Variants in TMEM164 observed in about 807,000 individuals in gnomAD.
TMEM164 encodes transmembrane protein 164.
Under a neutral mutation model 18.8 loss-of-function variants are expected in TMEM164, and 4 were observed. The ratio of observed to expected loss-of-function variants is 0.21; its 90% CI spans 0.10 to 0.49. The LOEUF (loss-of-function observed/expected upper bound fraction) is 0.49, where lower values mean the gene tolerates loss of function less well. Among genes scored for constraint, TMEM164 ranks in the 20% least tolerant of loss-of-function variants. The pLI, the probability that TMEM164 is intolerant of heterozygous loss-of-function variation, is 0.98. For missense variants in TMEM164, 108 were observed against 239.9 expected, an observed-to-expected ratio of 0.45 and a Z score of 3.63; for synonymous variants, 86 against 101.7, an observed-to-expected ratio of 0.85 and a Z score of 0.93.
chrX:110,136,346 G>A (rs2066691049), intron 4 of TMEM164, among the ~76,000 whole-genome samples: 1 of 111,580 alleles, frequency 9.0e-6, no homozygotes, highest in Non-Finnish European at 1.9e-5. Context: ...TGTGGCCCCA[G>A]TAGGCCACAG....
chrX:110,076,081 C>T (rs2065668205), intron 3 of TMEM164, among the ~76,000 whole-genome samples: 1 of 104,725 alleles, frequency 9.5e-6, no homozygotes, highest in Admixed American at 1.0e-4. Flanking sequence ...TAGAATTTAG[C>T]TCTGAATCTA....
intron 2 of TMEM164, among the ~76,000 whole-genome samples, chrX:110,004,467 G>A (rs1346278365): frequency 1.8e-5 from 2 of 110,965 alleles, no homozygotes; most frequent in African/African-American, 3.3e-5. Flanking sequence ...GCTTTCACAA[G>A]CAGGAATTCC....
At chrX:110,043,818 T>C (rs1342682216) in intron 2 of TMEM164, among the ~76,000 whole-genome samples, 1 of 112,256 alleles carries the variant, frequency 8.9e-6, no homozygotes, top group Non-Finnish European at 1.9e-5. Flanking sequence ...CTTTACACAT[T>C]TTTTTTAAAA....
intron 2 of TMEM164, chrX:110,055,383 TAA>T: frequency 5.5e-6 from 2 of 360,795 alleles, no homozygotes; most frequent in Non-Finnish European, 1.1e-5. Flanking sequence ...ACATAGACTA[TAA>T]TTGAATGGCG....
intron 2 of TMEM164, among the ~76,000 whole-genome samples, chrX:110,061,957 T>C (rs1936141354): frequency 9.0e-6 from 1 of 111,523 alleles, no homozygotes; most frequent in African/African-American, 3.3e-5. Flanking sequence ...AGATTTAAAT[T>C]TAAAAAATAA....
At position 110,097,785 on chromosome X, in the gene TMEM164, G is replaced by T. The variant is rs145128563; in HGVS notation, c.441-11295G>T. 3.0e-3 allele frequency among the ~76,000 whole-genome samples: 341 copies of T among 111,940 alleles called. 3 individuals carry two copies. Among genetic ancestry groups the T allele is most frequent in the Middle Eastern group, 0.014 (3 of 218 alleles). On this transcript the variant is annotated intron_variant, in intron 3 of 6. Transcript: ENST00000372068. ...TTACTGTATGTTTAAAACTTTAAGTGTAAAGAAAAAACTAGGGCAGAAAAA... is the reference window on the plus strand; with the variant it reads ...TTACTGTATGTTTAAAACTTTAAGTTTAAAGAAAAAACTAGGGCAGAAAAA...
chrX:110,096,341 C>T lies in TMEM164; in HGVS notation c.441-12739C>T, dbSNP rs1007132519. 5.3e-5 allele frequency among the ~76,000 whole-genome samples: 6 copies of T among 112,812 alleles called. No homozygotes were observed. The East Asian group carries it at 1.4e-3, about 26-fold the overall frequency. The stretch of plus-strand genomic sequence containing the variant: ...CAGCTGCAGTGGGCTCCACCCAGTT[C>T]GAGCTTCCTGCCTGCTTTATTTACC... On this transcript the variant is annotated intron_variant, in intron 3 of 6. Coordinates refer to ENST00000372068, the MANE Select transcript of TMEM164 (RefSeq NM_032227.4).
At chrX:110,103,117 A>G (rs763630648) in intron 3 of TMEM164, among the ~76,000 whole-genome samples, 36 of 112,432 alleles carry the variant, frequency 3.2e-4, no homozygotes, top group Non-Finnish European at 5.3e-4. Flanking sequence ...AAAACCAAAA[A>G]AGCTTATAGG....
intron 2 of TMEM164, among the ~76,000 whole-genome samples, chrX:110,029,980 G>A (rs1934378777): frequency 9.1e-6 from 1 of 110,030 alleles, no homozygotes; most frequent in Non-Finnish European, 1.9e-5. Flanking sequence ...GATTATAGAA[G>A]TAGCATATGA....
rs181877007 is a variant in TMEM164, at chrX:110,030,323, G to A, written c.390+26159G>A. Reference sequence around the variant, plus strand: ...TTTTGTAGAGACAGGGTTTCACTGCGTTGCCGAGGCTAGTTTGAACTCCTG... The same window carrying A: ...TTTTGTAGAGACAGGGTTTCACTGCATTGCCGAGGCTAGTTTGAACTCCTG... On this transcript the variant is annotated intron_variant, in intron 2 of 6. Coordinates refer to ENST00000372068, the MANE Select transcript of TMEM164 (RefSeq NM_032227.4). Among the ~76,000 whole-genome samples, 148 of 107,173 alleles carry A rather than the reference G, an allele frequency of 1.4e-3. 1 individual carries two copies. The highest frequency in any genetic ancestry group is 4.9e-3 in the African/African-American group (143 of 29,460). 93.1% of individuals were successfully genotyped at this position (107,173 alleles called of 115,157 possible).
chrX:110,087,971 G>A (rs1312958124), intron 3 of TMEM164, among the ~76,000 whole-genome samples: 2 of 111,909 alleles, frequency 1.8e-5, no homozygotes, highest in East Asian at 5.6e-4. Flanking sequence ...GAAGCATGGG[G>A]GTGGGCATGA....
chrX:110,105,682 A>ACACACACACG (rs2066180605), intron 3 of TMEM164, among the ~76,000 whole-genome samples: 1 of 64,514 alleles, frequency 1.6e-5, no homozygotes, highest in African/African-American at 5.7e-5. Flanking sequence ...AAACACAGAC[A>ACACACACACG]CACACACACA....
intron 2 of TMEM164, chrX:110,020,727 TTTACTCTACAAA>T: frequency 4.1e-6 from 3 of 735,045 alleles, no homozygotes; most frequent in Non-Finnish European, 4.8e-6. Flanking sequence ...CTTTAAAATA[TTTACTCTACAAA>T]TGTTAATGTG....
intron 3 of TMEM164, among the ~76,000 whole-genome samples, chrX:110,085,467 GT>G (rs1248439982): frequency 9.1e-6 from 1 of 110,176 alleles, no homozygotes; most frequent in African/African-American, 3.3e-5. Flanking sequence ...GCCTGGTCAG[GT>G]TTTTTGTATG....
At chrX:110,037,984 A>ATTT (rs1036705725) in intron 2 of TMEM164, among the ~76,000 whole-genome samples, 193 of 72,655 alleles carry the variant, frequency 2.7e-3, no homozygotes, top group Non-Finnish European at 3.3e-3. Context: ...CTTTGGACTC[A>ATTT]TTTTTTTTTT....
intron 4 of TMEM164, among the ~76,000 whole-genome samples, chrX:110,138,987 A>G (rs1345531214): frequency 1.8e-5 from 2 of 112,303 alleles, no homozygotes; most frequent in Non-Finnish European, 3.8e-5. Flanking sequence ...ATGGAAGAAT[A>G]CTTCAGAGGA....
At chrX:110,095,143 G>T (rs1490312800) in intron 3 of TMEM164, among the ~76,000 whole-genome samples, 1 of 111,604 alleles carries the variant, frequency 9.0e-6, no homozygotes, top group Non-Finnish European at 1.9e-5. Flanking sequence ...TGGTGAATCT[G>T]ACAATTATGT....
intron 2 of TMEM164, among the ~76,000 whole-genome samples, chrX:110,015,452 T>C (rs1199097940): frequency 8.9e-6 from 1 of 111,923 alleles, no homozygotes; most frequent in African/African-American, 3.3e-5. Context: ...TTCTAAGACC[T>C]AGGGAAGATT....
At chrX:110,163,551 T>A (rs1225208058) in intron 5 of TMEM164, among the ~76,000 whole-genome samples, 2 of 112,075 alleles carry the variant, frequency 1.8e-5, no homozygotes, top group Non-Finnish European at 3.8e-5. Context: ...AGCACTGGCA[T>A]AGACAATTAT....
Sources: gnomAD v4.1 joint callset for allele counts (sites outside exome capture counted in the v4.1 genomes callset) on GRCh38, gnomAD v4.1.1 for gene constraint, MANE v1.5 for transcripts, NCBI Gene and HGNC (gene_info 2026-07-23, HGNC 2026-07-21) for gene names.